Variants in GLIS3 observed in about 807,000 individuals in gnomAD.
GLIS3 encodes the protein zinc finger protein GLIS3.
GLIS3 carries 53 observed loss-of-function variants against 78.6 expected under a neutral mutation model. That is an observed-to-expected ratio of 0.67 (90% CI 0.54 to 0.85). The LOEUF is 0.85. Ranked by LOEUF, GLIS3 falls within the 40% of genes least tolerant of loss-of-function variation. GLIS3 has a pLI of 0.00. For synonymous variants in GLIS3, 684 were observed against 509.9 expected (o/e 1.34, Z -4.60); for missense variants, 1,703 against 1,231.1 (o/e 1.38, Z -5.74).
intron 9 of GLIS3, among the ~76,000 whole-genome samples, chr9:3,829,907 C>T (rs1396515212): frequency 6.6e-6 from 1 of 152,142 alleles, no homozygotes; most frequent in Non-Finnish European, 1.5e-5. Context: ...TAAAATCTTG[C>T]AGAATGCTCT....
Position 3,849,367 on chromosome 9 carries a change from C to A in GLIS3, c.2473+6642G>T, listed in dbSNP as rs111271740. 5.6e-3 allele frequency among the ~76,000 whole-genome samples: 852 copies of A among 152,268 alleles called. 9 individuals are homozygous for A. Among genetic ancestry groups the A allele is most frequent in the African/African-American group, 0.018 (729 of 41,560 alleles). On this transcript the variant is annotated intron_variant, in intron 9 of 10. Transcript: ENST00000381971. ...CTCCGTTTTGTTAAGTATGGCAATG[C>A]GCTAAAATATCCATCTTCCCTGACC...
chr9:4,403,225 G>T, the GLIS3 span, among the ~76,000 whole-genome samples: 1 of 152,128 alleles, frequency 6.6e-6, no homozygotes, highest in African/African-American at 2.4e-5. Flanking sequence ...TACCCTTCAA[G>T]CAGTAAGGAG....
At chr9:4,328,500 TA>T (rs1329237024) in intron 2 of GLIS3, among the ~76,000 whole-genome samples, 2 of 152,222 alleles carry the variant, frequency 1.3e-5, no homozygotes, top group Non-Finnish European at 2.9e-5. Context: ...GGCTCTGCCC[TA>T]AACCATAATC....
the GLIS3 span, among the ~76,000 whole-genome samples, chr9:4,465,081 C>T: frequency 6.6e-6 from 1 of 152,370 alleles, no homozygotes; most frequent in South Asian, 2.1e-4. Context: ...ACTTAACCTA[C>T]AGCATTACCA....
chr9:4,057,363 A>G (rs1397260908), intron 4 of GLIS3, among the ~76,000 whole-genome samples: 4 of 152,222 alleles, frequency 2.6e-5, no homozygotes, highest in African/African-American at 9.6e-5. Context: ...ATTTAGGACT[A>G]AATTCTCCCT....
At chr9:4,302,397 A>C (rs1817111937), upstream of GLIS3, among the ~76,000 whole-genome samples, 1 of 152,164 alleles carries the variant, frequency 6.6e-6, no homozygotes, top group East Asian at 1.9e-4. Flanking sequence ...TCCAGTTCTC[A>C]TTCATCAGAG....
chr9:4,393,487 A>G, the GLIS3 span, among the ~76,000 whole-genome samples: 12 of 152,160 alleles, frequency 7.9e-5, no homozygotes, highest in Non-Finnish European at 1.5e-4. Flanking sequence ...TTGCCTTATA[A>G]TATCTTTTCT....
intron 4 of GLIS3, among the ~76,000 whole-genome samples, chr9:4,007,027 T>G (rs965376015): frequency 6.6e-6 from 1 of 152,224 alleles, no homozygotes; most frequent in African/African-American, 2.4e-5. Context: ...ATCTAAGCAT[T>G]ACTGAGACTG....
chr9:4,265,504 T>C lies in GLIS3; in HGVS notation c.388+20534A>G, dbSNP rs1475659091. Among the ~76,000 whole-genome samples the C allele has an allele frequency of 2.6e-5, 4 of 152,150 alleles. No individual in the cohort carries two copies. The South Asian group carries it at 6.2e-4, about 24-fold the overall frequency. ...TATACCCTTAGCCACTATGCTGTGC[T>C]ATATACTGCCTCTATCTGTCATTTC... On this transcript the variant is annotated intron_variant, in intron 2 of 10. Coordinates refer to ENST00000381971, the MANE Select transcript of GLIS3 (RefSeq NM_001042413.2).
chr9:3,884,639 T>C (rs1448164209), intron 7 of GLIS3, among the ~76,000 whole-genome samples: 1 of 152,198 alleles, frequency 6.6e-6, no homozygotes, highest in African/African-American at 2.4e-5. Flanking sequence ...TTGGAATCAA[T>C]AGTTAAGACT....
chr9:4,288,978 T>C (rs1828226685), intron 1 of GLIS3, among the ~76,000 whole-genome samples: 1 of 152,192 alleles, frequency 6.6e-6, no homozygotes, highest in African/African-American at 2.4e-5. Context: ...AAAATAAATT[T>C]CATCTATTTA....
At chr9:4,271,728 T>G (rs574077383) in intron 2 of GLIS3, among the ~76,000 whole-genome samples, 2 of 152,272 alleles carry the variant, frequency 1.3e-5, no homozygotes, top group East Asian at 3.9e-4. Flanking sequence ...AATAAGGTAC[T>G]TGGGGAATCA....
chr9:4,355,774 C>G, the GLIS3 span, among the ~76,000 whole-genome samples: 1 of 152,160 alleles, frequency 6.6e-6, no homozygotes, highest in Non-Finnish European at 1.5e-5. Flanking sequence ...ACCCTTTTCA[C>G]CAACTGAGCA....
At chr9:3,959,408 T>C (rs943019435) in intron 4 of GLIS3, among the ~76,000 whole-genome samples, 15 of 152,322 alleles carry the variant, frequency 9.8e-5, no homozygotes, top group Admixed American at 8.5e-4. Flanking sequence ...ATTTTTGGTA[T>C]AGCAGCCTGA....
At chr9:4,064,711 C>T (rs1466655637) in intron 4 of GLIS3, among the ~76,000 whole-genome samples, 5 of 152,114 alleles carry the variant, frequency 3.3e-5, no homozygotes, top group African/African-American at 1.2e-4. Context: ...GGAGAATCAC[C>T]TGAAGCTGGG....
the GLIS3 span, among the ~76,000 whole-genome samples, chr9:4,353,635 C>T: frequency 1.3e-5 from 2 of 152,104 alleles, no homozygotes; most frequent in South Asian, 2.1e-4. Flanking sequence ...TTACCCAAAA[C>T]GGGCCGTAAT....
At chr9:4,029,476 T>C (rs1279791734) in intron 4 of GLIS3, among the ~76,000 whole-genome samples, 1 of 152,212 alleles carries the variant, frequency 6.6e-6, no homozygotes, top group African/African-American at 2.4e-5. Context: ...ATTAAACTTA[T>C]TTAAAAATGT....
intron 2 of GLIS3, among the ~76,000 whole-genome samples, chr9:4,232,869 G>A (rs1822394380): frequency 6.6e-6 from 1 of 152,090 alleles, no homozygotes; most frequent in Non-Finnish European, 1.5e-5. Flanking sequence ...AATACCCAGG[G>A]AACTTTGACC....
intron 4 of GLIS3, 69 bp downstream of exon 4, chr9:4,117,699 A>G: frequency 6.3e-7 from 1 of 1,591,580 alleles, no homozygotes. Flanking sequence ...CCGAGTTAGG[A>G]AAAAACACAC....
Sources: gnomAD v4.1 joint callset for allele counts (sites outside exome capture counted in the v4.1 genomes callset) on GRCh38, gnomAD v4.1.1 for gene constraint, MANE v1.5 for transcripts, NCBI Gene and HGNC (gene_info 2026-07-23, HGNC 2026-07-21) for gene names.